The following DUSP15 variants were observed in gnomAD, a reference collection of about 807,000 sequenced individuals.
The protein encoded by DUSP15 is dual specificity protein phosphatase 15.
Under a neutral mutation model 26.3 loss-of-function variants are expected in DUSP15, and 23 were observed. The ratio of observed to expected loss-of-function variants is 0.87; its 90% CI spans 0.63 to 1.24. DUSP15 has a LOEUF of 1.24. Among genes scored for constraint, DUSP15 ranks in the 50% most tolerant of loss-of-function variants. The pLI is 0.00. For synonymous variants in DUSP15, 143 were observed against 135.5 expected, an observed-to-expected ratio of 1.06 and a Z score of -0.39; for missense variants, 364 against 320.6, an observed-to-expected ratio of 1.14 and a Z score of -1.03.
chr20:31,848,289 T>A lies in DUSP15; in HGVS notation c.*115A>T, dbSNP rs561259865. On this transcript the variant is annotated 3_prime_UTR_variant, in exon 10 of 10. Coordinates refer to the DUSP15 transcript ENST00000278979. Reference sequence around the variant, plus strand: ...GTGACAGAGGAGTGGAAGGCCGCGATCCACCTCTGCCGTCCGGCAGACCTG... The same window carrying A: ...GTGACAGAGGAGTGGAAGGCCGCGAACCACCTCTGCCGTCCGGCAGACCTG... The A allele has an allele frequency of 3.2e-6, 4 of 1,241,510 alleles. No individual in the cohort carries two copies. The Admixed American group carries it at 1.2e-4, about 36-fold the overall frequency. The allele number at this position is 1,241,510 out of a possible 1,614,324, so 76.9% of individuals were successfully genotyped here.
intron 2 of DUSP15, among the ~76,000 whole-genome samples, 158 bp downstream of exon 2, chr20:31,869,405 AC>A (rs1462010060): frequency 6.6e-6 from 1 of 151,970 alleles, no homozygotes; most frequent in Non-Finnish European, 1.5e-5. Context: ...CTGCATGTGC[AC>A]CCCTTGTCCT....
exon 10 of DUSP15, chr20:31,847,666 T>C (rs1353385491): frequency 6.6e-6 from 1 of 152,204 alleles, no homozygotes; most frequent in African/African-American, 2.4e-5. Flanking sequence ...TTTATTCCCA[T>C]GGCAGGGTAA....
At chr20:31,846,476 G>GAGAGAGAGAGAGA (rs1555791617), downstream of DUSP15, among the ~76,000 whole-genome samples, 2 of 128,510 alleles carry the variant, frequency 1.6e-5, no homozygotes, top group African/African-American at 7.8e-5. Flanking sequence ...GAGAGAGAGA[G>GAGAGAGAGAGAGA]GAGAGAGAGG....
chr20:31,853,323 T>C (rs1030140788), intron 6 of DUSP15, among the ~76,000 whole-genome samples: 2 of 151,942 alleles, frequency 1.3e-5, no homozygotes, highest in Non-Finnish European at 2.9e-5. Flanking sequence ...ATCATGGCAG[T>C]GGTTTGCTAT....
At chr20:31,863,675 G>T in intron 5 of DUSP15, 1 of 531,110 alleles carries the variant, frequency 1.9e-6, no homozygotes, top group African/African-American at 1.9e-5. Context: ...GCATTTTACA[G>T]ATGAGGACAT....
intron 8 of DUSP15, chr20:31,848,978 C>T: frequency 8.2e-7 from 1 of 1,224,654 alleles, no homozygotes; most frequent in Non-Finnish European, 1.2e-6. Flanking sequence ...CACTGGTGCC[C>T]ATCTTGTGCT....
In DUSP15 at chr20:31,861,292, G is replaced by A. The variant is rs2062642748; in HGVS notation, c.*111C>T. On this transcript the variant is annotated 3_prime_UTR_variant, in exon 7 of 7. Transcript: ENST00000339738. ...GGCGGGCGCGGGAGGCAGGGTTCAG[G>A]CCGCCGCGGGGCTCCCCCAGCCTCT... 3.6e-6 allele frequency: 5 copies of A among 1,370,810 alleles called. No individual in the cohort carries two copies. In the South Asian group the frequency reaches 5.0e-5, roughly 14 times the overall value. 84.9% of individuals were successfully genotyped at this position (1,370,810 alleles called of 1,614,324 possible).
At chr20:31,846,506 C>G (rs903807876), downstream of DUSP15, among the ~76,000 whole-genome samples, 2 of 151,156 alleles carry the variant, frequency 1.3e-5, no homozygotes, top group African/African-American at 4.9e-5. Context: ...AGCCCAGTCC[C>G]CCTAGAGTGA....
exon 10 of DUSP15, chr20:31,848,226 G>A (rs1413955730): frequency 5.2e-6 from 3 of 575,678 alleles, no homozygotes; most frequent in Admixed American, 4.0e-5. Context: ...ATGCCCAGCT[G>A]GGGGGCGGTG....
At chr20:31,850,913 AGAGGCTGTGAGGGTGGGAGAG>A (rs889121963) in intron 6 of DUSP15, among the ~76,000 whole-genome samples, 6 of 152,150 alleles carry the variant, frequency 3.9e-5, no homozygotes, top group African/African-American at 9.7e-5. Flanking sequence ...CATTGGGAGA[AGAGGCTGTGAGGGTGGGAGAG>A]GAGGCCTGTG....
At chr20:31,848,482 G>A in exon 10 of DUSP15, 1 of 1,611,946 alleles carries the variant, frequency 6.2e-7, no homozygotes, top group Middle Eastern at 1.7e-4. Flanking sequence ...CATCGGGGTT[G>A]CCAGGGGTTG....
chr20:31,869,599 T>C lies in DUSP15; in HGVS notation c.22-2A>G. 6.2e-7 allele frequency: 1 copy of C among 1,613,686 alleles called. No individual in the cohort carries two copies. On this transcript the variant is annotated splice_acceptor_variant, in intron 1 of 6. Transcript: ENST00000339738. LOFTEE classifies it high-confidence loss of function. ...TCCGAGGTAGAGTCCAGGAAGTACC[T>C]AGAGGAAGGACAGGCAAGGGTCAGT...
At chr20:31,845,731 A>G, downstream of DUSP15, 1 of 674,604 alleles carries the variant, frequency 1.5e-6, no homozygotes. Flanking sequence ...ACAAGGCCCA[A>G]AAGAGGCGGG....
Position 31,863,994 on chromosome 20 carries a change from G to A in DUSP15, c.189-13C>T. ...GAAGTGCTTTTTGCTAGAGGAGAAAGCAATAGGGTAGGGAGCACTGCAGGG... is the reference window on the plus strand; with the variant it reads ...GAAGTGCTTTTTGCTAGAGGAGAAAACAATAGGGTAGGGAGCACTGCAGGG... On this transcript the variant is annotated splice_polypyrimidine_tract_variant and intron_variant, in intron 4 of 6. Transcript: ENST00000339738. 1 of 1,613,694 alleles carries A rather than the reference G, an allele frequency of 6.2e-7. No individual in the cohort carries two copies. Among genetic ancestry groups the A allele is most frequent in the African/African-American group, 1.3e-5 (1 of 75,030 alleles).
intron 6 of DUSP15, among the ~76,000 whole-genome samples, chr20:31,851,184 T>C (rs959425375): frequency 2.6e-5 from 4 of 151,934 alleles, no homozygotes; most frequent in African/African-American, 9.7e-5. Context: ...GGGCCAGAGA[T>C]GGGTCACTGT....
At chr20:31,848,778 C>T in intron 9 of DUSP15, 1 of 1,598,620 alleles carries the variant, frequency 6.3e-7, no homozygotes, top group East Asian at 2.2e-5. Context: ...GGGCGTGCTT[C>T]TTGGCTGGAG....
intron 8 of DUSP15, chr20:31,848,916 A>T: frequency 6.2e-7 from 1 of 1,604,794 alleles, no homozygotes; most frequent in South Asian, 1.1e-5. Context: ...GCAGGTGGGC[A>T]CACAATTATA....
chr20:31,869,810 C>T (rs1056155287), intron 1 of DUSP15: 3 of 1,433,030 alleles, frequency 2.1e-6, no homozygotes, highest in Non-Finnish European at 1.8e-6. Flanking sequence ...GTTAACCAAC[C>T]GAGGGAACCA....
intron 6 of DUSP15, among the ~76,000 whole-genome samples, chr20:31,862,124 C>A (rs946219683): frequency 6.6e-6 from 1 of 152,160 alleles, no homozygotes; most frequent in African/African-American, 2.4e-5. Flanking sequence ...AGCCCTCCCC[C>A]TCTCATCCTT....
Sources: gnomAD v4.1 joint callset for allele counts (sites outside exome capture counted in the v4.1 genomes callset) on GRCh38, gnomAD v4.1.1 for gene constraint, MANE v1.5 for transcripts, NCBI Gene and HGNC (gene_info 2026-07-23, HGNC 2026-07-21) for gene names.